Variants in ARHGAP24 observed in about 807,000 individuals in gnomAD.
ARHGAP24 encodes rho GTPase-activating protein 24.
In ARHGAP24, 50 loss-of-function variants were observed where a neutral mutation model predicts 76.4. The ratio of observed to expected loss-of-function variants is 0.65; its 90% CI spans 0.52 to 0.83. The LOEUF (loss-of-function observed/expected upper bound fraction) is 0.83. Ranked by LOEUF, ARHGAP24 falls within the 40% of genes least tolerant of loss-of-function variation. ARHGAP24 has a pLI of 0.00. For synonymous variants in ARHGAP24, 345 were observed against 323.3 expected (o/e 1.07, Z -0.72); for missense variants, 930 against 914.2 (o/e 1.02, Z -0.22).
chr4:85,967,660 C>T (rs1002079024), intron 5 of ARHGAP24, among the ~76,000 whole-genome samples: 1 of 152,138 alleles, frequency 6.6e-6, no homozygotes, highest in Non-Finnish European at 1.5e-5. Flanking sequence ...CTGCCTTTTT[C>T]CTACCACTGG....
Position 85,972,063 on chromosome 4 carries a change from A to T in ARHGAP24, c.627A>T (p.Ser209=). 6.2e-7 allele frequency: 1 copy of T among 1,614,068 alleles called. No individual in the cohort carries two copies. The highest frequency in any genetic ancestry group is 8.5e-7 in the Non-Finnish European group (1 of 1,179,978). Residue 209 remains serine, a synonymous_variant, in exon 6 of 10, where the codon TCA becomes TCT. Coordinates refer to ENST00000395184, the MANE Select transcript of ARHGAP24 (RefSeq NM_001025616.3). ...DSNTDVHTVA[S]LLKLYLRELP... is the part of the protein sequence containing the mutation. ...ACACAGATGTACACACGGTGGCATC[A>T]CTTCTTAAGCTGTACCTCCGAGAAC... is the stretch of plus-strand genomic sequence containing the variant.
chr4:85,510,867 C>A (rs1480213033), intron 1 of ARHGAP24, among the ~76,000 whole-genome samples: 2 of 143,852 alleles, frequency 1.4e-5, no homozygotes, highest in Non-Finnish European at 3.0e-5. Context: ...CTATTCTCAT[C>A]GCCATTACTT....
intron 9 of ARHGAP24, 22 bp from the exon 10 acceptor site, chr4:86,000,457 C>CG: frequency 1.5e-6 from 1 of 667,034 alleles, no homozygotes; most frequent in South Asian, 1.5e-5. Flanking sequence ...CCACCCCCCA[C>CG]CCCCCCCAAC....
At chr4:85,975,335 C>A (rs555261323) in intron 7 of ARHGAP24, among the ~76,000 whole-genome samples, 54 of 152,264 alleles carry the variant, frequency 3.5e-4, no homozygotes, top group African/African-American at 1.3e-3. Context: ...TTATGCAGTT[C>A]TCTTATTCTT....
intron 3 of ARHGAP24, among the ~76,000 whole-genome samples, chr4:85,896,763 C>T (rs187401978): frequency 2.6e-5 from 4 of 152,114 alleles, no homozygotes; most frequent in Non-Finnish European, 5.9e-5. Context: ...GTTTGGGGAG[C>T]CTCTGTTGAA....
At chr4:85,736,206 C>T (rs1725600364) in intron 3 of ARHGAP24, among the ~76,000 whole-genome samples, 1 of 152,156 alleles carries the variant, frequency 6.6e-6, no homozygotes, top group Non-Finnish European at 1.5e-5. Flanking sequence ...ACTTTGAAGG[C>T]CCATGATCTG....
At chr4:85,720,639 A>G (rs750919737) in intron 2 of ARHGAP24, among the ~76,000 whole-genome samples, 7 of 152,224 alleles carry the variant, frequency 4.6e-5, no homozygotes, top group Non-Finnish European at 8.8e-5. Flanking sequence ...TATTGAAATC[A>G]TAGGCCTGGA....
chr4:85,933,661 G>C (rs1247135502), intron 4 of ARHGAP24, among the ~76,000 whole-genome samples: 1 of 152,114 alleles, frequency 6.6e-6, no homozygotes, highest in Non-Finnish European at 1.5e-5. Flanking sequence ...TTACCCTGTT[G>C]ATTTTGAAAC....
chr4:85,666,022 T>C (rs1343762666), intron 2 of ARHGAP24, among the ~76,000 whole-genome samples: 1 of 152,220 alleles, frequency 6.6e-6, no homozygotes, highest in Non-Finnish European at 1.5e-5. Context: ...AGGAGTATCT[T>C]TGTGGCCTTC....
chr4:85,995,079 C>T lies in ARHGAP24; in HGVS notation c.1425C>T (p.His475=), dbSNP rs141031654. ...TATCTGGTACCAAAATGGGCACGCA[C>T]AGTGTACAGAATGGAACGGTGCGCA... ...LKVSGTKMGT[H]SVQNGTVRMG... The change falls in exon 9 of 10, where the codon CAC becomes CAT. Residue 475 remains histidine, a synonymous_variant. Transcript: ENST00000395184. The T allele has an allele frequency of 6.2e-7, 1 of 1,613,920 alleles. No homozygotes were observed. The highest frequency in any genetic ancestry group is 1.3e-5 in the African/African-American group (1 of 74,892).
At chr4:85,858,600 G>T (rs1731715441) in intron 3 of ARHGAP24, among the ~76,000 whole-genome samples, 1 of 152,080 alleles carries the variant, frequency 6.6e-6, no homozygotes, top group African/African-American at 2.4e-5. Flanking sequence ...AACATTATCT[G>T]GTATGTTATG....
chr4:85,624,083 T>C (rs1237601728), intron 2 of ARHGAP24, among the ~76,000 whole-genome samples: 1 of 152,182 alleles, frequency 6.6e-6, no homozygotes, highest in African/African-American at 2.4e-5. Flanking sequence ...TTTATTTCCT[T>C]CTCCTGAGTG....
intron 2 of ARHGAP24, among the ~76,000 whole-genome samples, chr4:85,607,964 G>C (rs1720258237): frequency 6.6e-6 from 1 of 151,858 alleles, no homozygotes; most frequent in Non-Finnish European, 1.5e-5. Flanking sequence ...GCCTCTAACT[G>C]TCTGTGGGTC....
chr4:85,890,070 A>T (rs191119755), intron 3 of ARHGAP24, among the ~76,000 whole-genome samples: 1 of 152,284 alleles, frequency 6.6e-6, no homozygotes, highest in East Asian at 1.9e-4. Context: ...GAAAGCAAAG[A>T]TTCCCTGTTT....
chr4:85,776,415 G>GGA (rs1727311736), intron 3 of ARHGAP24, among the ~76,000 whole-genome samples: 2 of 152,146 alleles, frequency 1.3e-5, no homozygotes, highest in African/African-American at 4.8e-5. Context: ...AGGGCAACCT[G>GGA]GAGTGTGTCC....
In ARHGAP24 at chr4:85,552,965, C is replaced by T. The variant is rs138100995; in HGVS notation, c.-20-17557C>T. On this transcript the variant is annotated intron_variant, in intron 1 of 9. Coordinates refer to ENST00000395184, the MANE Select transcript of ARHGAP24 (RefSeq NM_001025616.3). ...GTCTCGCTGACTTCAAGAATGAAGC[C>T]GCAGACCCTTGCAGCGAGTGTTACA... is the stretch of plus-strand genomic sequence containing the variant. Among the ~76,000 whole-genome samples, 757 of 152,100 alleles carry T rather than the reference C, an allele frequency of 5.0e-3. 8 individuals carry two copies. Among genetic ancestry groups the T allele is most frequent in the African/African-American group, 0.016 (683 of 41,510 alleles).
Position 86,001,592 on chromosome 4 carries a change from C to CT in ARHGAP24, c.*871dup, listed in dbSNP as rs1352172882. The CT allele has an allele frequency of 1.0e-4, 40 of 395,686 alleles. No homozygotes were observed. The highest frequency in any genetic ancestry group is 1.4e-4 in the Non-Finnish European group (32 of 224,838). The allele number at this position is 395,686 out of a possible 1,614,324, so 24.5% of individuals were successfully genotyped here. A position where few individuals can be genotyped will look rare whatever the true frequency, so the allele number is the denominator to read the frequency against. On this transcript the variant is annotated 3_prime_UTR_variant, in exon 10 of 10. Transcript: ENST00000395184. ...GGATAGTTTTAGAGGAATTCTCCTG[C>CT]TACTTAGGTACTGGGAAACAATGCT...
chr4:85,811,575 C>T (rs12512001), intron 3 of ARHGAP24, among the ~76,000 whole-genome samples: 12,176 of 152,152 alleles, frequency 0.08, 780 homozygotes, highest in East Asian at 0.29. Context: ...ATTTTTTATG[C>T]CATTACTTAA....
At chr4:85,824,866 G>A (rs1467169210) in intron 3 of ARHGAP24, among the ~76,000 whole-genome samples, 1 of 152,108 alleles carries the variant, frequency 6.6e-6, no homozygotes, top group Admixed American at 6.6e-5. Flanking sequence ...AAGATGGTTG[G>A]ATCACCTCAG....
Sources: allele counts gnomAD v4.1 joint callset (sites outside exome capture counted in the v4.1 genomes callset), GRCh38; gene constraint gnomAD v4.1.1; transcripts MANE v1.5; gene names NCBI Gene and HGNC (gene_info 2026-07-23, HGNC 2026-07-21).